The following MYOF variants were observed in gnomAD, a reference collection of about 807,000 sequenced individuals.
The protein encoded by MYOF is myoferlin.
A neutral mutation model predicts 284.2 loss-of-function variants in MYOF; 244 were observed. The ratio of observed to expected loss-of-function variants is 0.86; its 90% CI spans 0.77 to 0.95. The LOEUF (loss-of-function observed/expected upper bound fraction) is 0.95. MYOF is among the 40% of genes least tolerant of loss of function. The pLI is 0.00. For synonymous variants in MYOF, 904 were observed against 919.7 expected (o/e 0.98, Z 0.31); for missense variants, 2,496 against 2,560.6 (o/e 0.97, Z 0.54).
chr10:93,393,433 C>A (rs532205784), intron 16 of MYOF, among the ~76,000 whole-genome samples: 2 of 152,064 alleles, frequency 1.3e-5, no homozygotes, highest in East Asian at 3.8e-4. Context: ...GTTGACAGCT[C>A]GTTGTTATTT....
At chr10:93,324,742 G>C (rs1160469992) in intron 46 of MYOF, among the ~76,000 whole-genome samples, 1 of 152,152 alleles carries the variant, frequency 6.6e-6, no homozygotes, top group African/African-American at 2.4e-5. Flanking sequence ...TTTGCTGTCA[G>C]GGTCAACAAT....
chr10:93,438,207 C>T (rs1250746877), intron 3 of MYOF, among the ~76,000 whole-genome samples: 1 of 152,110 alleles, frequency 6.6e-6, no homozygotes, highest in African/African-American at 2.4e-5. Context: ...CCCCACACTC[C>T]TCCTTGGCTA....
At chr10:93,384,331 CA>C (rs1302063372) in intron 19 of MYOF, among the ~76,000 whole-genome samples, 3 of 152,254 alleles carry the variant, frequency 2.0e-5, no homozygotes, top group African/African-American at 2.4e-5. Flanking sequence ...CTGCCTACAA[CA>C]AGAGAAAATG....
chr10:93,312,988 G>A lies in MYOF; in HGVS notation c.5889+32C>T, dbSNP rs766156963. 15 of 1,573,202 alleles carry A rather than the reference G, an allele frequency of 9.5e-6. No individual in the cohort carries two copies. The East Asian group carries it at 2.3e-4, about 24-fold the overall frequency. ...AACCTAAATGATAAAAGGCATAAAC[G>A]ATTTTCAACCAGAACCAGGAAATGT... On this transcript the variant is annotated intron_variant, in intron 51 of 53. Coordinates refer to ENST00000359263, the MANE Select transcript of MYOF (RefSeq NM_013451.4).
At chr10:93,474,654 T>A (rs1310914006) in intron 1 of MYOF, among the ~76,000 whole-genome samples, 29 of 152,228 alleles carry the variant, frequency 1.9e-4, no homozygotes, top group Admixed American at 1.9e-3. Flanking sequence ...GGTAAGGAGA[T>A]TTATAGACTG....
chr10:93,363,835 A>C (rs967636400), intron 27 of MYOF, 126 bp downstream of exon 27: 1 of 685,524 alleles, frequency 1.5e-6, no homozygotes, highest in Non-Finnish European at 2.4e-6. Flanking sequence ...TATAAGTGGA[A>C]GACTCTTCAG....
chr10:93,349,980 G>A lies in MYOF; in HGVS notation c.3922-11C>T, dbSNP rs2298158. The stretch of plus-strand genomic sequence containing the variant: ...GCCCCAAGCTAGAATCTATGAAAAC[G>A]ATTTAAAGAGAGGGGAAGGTAACTC... On this transcript the variant is annotated splice_polypyrimidine_tract_variant and intron_variant, in intron 35 of 53. Transcript: ENST00000359263. 460,194 of 1,609,184 alleles carry A rather than the reference G, an allele frequency of 0.29. 77,836 individuals are homozygous for A. Among genetic ancestry groups the A allele is most frequent in the East Asian group, 0.87 (38,883 of 44,820 alleles).
chr10:93,415,126 C>T (rs1239628086), intron 5 of MYOF, among the ~76,000 whole-genome samples: 1 of 152,122 alleles, frequency 6.6e-6, no homozygotes, highest in Non-Finnish European at 1.5e-5. Flanking sequence ...GAGCACACTG[C>T]CTTCCCTGCA....
chr10:93,455,757 G>C (rs1185020133), intron 2 of MYOF, among the ~76,000 whole-genome samples: 2 of 152,162 alleles, frequency 1.3e-5, no homozygotes, highest in African/African-American at 4.8e-5. Context: ...GGGTGGAGGG[G>C]AGCCTTCATG....
intron 43 of MYOF, among the ~76,000 whole-genome samples, chr10:93,331,696 C>A (rs190810894): frequency 6.6e-5 from 1 of 15,078 alleles, no homozygotes; most frequent in African/African-American, 2.2e-4. Context: ...GTGCAGCATG[C>A]GGGGGGCGTA....
At chr10:93,451,317 G>C (rs1265755005) in intron 3 of MYOF, among the ~76,000 whole-genome samples, 3 of 152,144 alleles carry the variant, frequency 2.0e-5, no homozygotes, top group Admixed American at 1.3e-4. Context: ...TCCAGCCTGG[G>C]TGACAGAGTC....
chr10:93,336,550 A>T (rs1843614605), intron 40 of MYOF, among the ~76,000 whole-genome samples: 1 of 152,172 alleles, frequency 6.6e-6, no homozygotes, highest in African/African-American at 2.4e-5. Flanking sequence ...AGAGAAATCC[A>T]ATCAGTTGCT....
At chr10:93,415,356 T>G (rs1049761870) in intron 5 of MYOF, among the ~76,000 whole-genome samples, 5 of 152,190 alleles carry the variant, frequency 3.3e-5, no homozygotes, top group African/African-American at 1.2e-4. Flanking sequence ...TCACTTTAAT[T>G]TCCTGATCAC....
At position 93,402,424 on chromosome 10, in the gene MYOF, A is replaced by T. The variant is rs147003119; in HGVS notation, c.875-77T>A. On this transcript the variant is annotated intron_variant, in intron 10 of 53. Coordinates refer to ENST00000359263, the MANE Select transcript of MYOF (RefSeq NM_013451.4). ...AAGTCTGTGATTCCTCTGCCATAAGATAAGCTGCATTTTCTTGGAAGCCTC... is the reference window on the plus strand; with the variant it reads ...AAGTCTGTGATTCCTCTGCCATAAGTTAAGCTGCATTTTCTTGGAAGCCTC... 7.1e-3 allele frequency: 8,368 copies of T among 1,170,560 alleles called. 61 individuals carry two copies. Among genetic ancestry groups the T allele is most frequent in the Non-Finnish European group, 8.5e-3 (6,666 of 788,424 alleles). The allele number at this position is 1,170,560 out of a possible 1,614,324, so 72.5% of individuals were successfully genotyped here.
intron 32 of MYOF, among the ~76,000 whole-genome samples, chr10:93,352,514 C>T (rs902833408): frequency 5.9e-5 from 9 of 152,202 alleles, no homozygotes; most frequent in Admixed American, 3.3e-4. Context: ...TCTCACTATA[C>T]TTAAGAATGG....
intron 31 of MYOF, among the ~76,000 whole-genome samples, chr10:93,354,703 T>TC (rs1243618498): frequency 0.012 from 826 of 70,732 alleles, 14 homozygotes; most frequent in African/African-American, 0.029. Context: ...CTCTCTCTCT[T>TC]TGTGAGATAG....
chr10:93,330,154 G>A (rs1227219798), intron 43 of MYOF, among the ~76,000 whole-genome samples: 3 of 152,192 alleles, frequency 2.0e-5, no homozygotes, highest in Admixed American at 6.5e-5. Flanking sequence ...TCTGTAAAGT[G>A]GTGATAATAA....
At chr10:93,309,551 G>A (rs1469884055) in intron 53 of MYOF, among the ~76,000 whole-genome samples, 1 of 152,114 alleles carries the variant, frequency 6.6e-6, no homozygotes, top group Admixed American at 6.6e-5. Context: ...GATAGGTAAG[G>A]GCAATAATAT....
In MYOF at chr10:93,397,467, A is replaced by G; in HGVS notation, c.1222-11T>C. The G allele has an allele frequency of 6.3e-7, 1 of 1,598,546 alleles. No homozygotes were observed. Among genetic ancestry groups the G allele is most frequent in the Non-Finnish European group, 8.5e-7 (1 of 1,174,236 alleles). ...TATGTTTGTACAAACCTGTAAAATC[A>G]CCAAAGCAAAAGTGTAGGTTTTCAA... On this transcript the variant is annotated splice_polypyrimidine_tract_variant and intron_variant, in intron 13 of 53. Transcript: ENST00000359263.
Sources: allele counts gnomAD v4.1 joint callset (sites outside exome capture counted in the v4.1 genomes callset), GRCh38; gene constraint gnomAD v4.1.1; transcripts MANE v1.5; gene names NCBI Gene and HGNC (gene_info 2026-07-23, HGNC 2026-07-21).